MARK3: variants seen among roughly 807,000 people sequenced by gnomAD.
MARK3 encodes the protein MAP/microtubule affinity-regulating kinase 3.
In MARK3, 46 loss-of-function variants were observed where a neutral mutation model predicts 90.1. That is an observed-to-expected ratio of 0.51 (90% CI 0.40 to 0.65). The LOEUF is 0.65. MARK3 is among the 30% of genes least tolerant of loss of function. The pLI is 0.00. For missense variants in MARK3, 818 were observed against 947.2 expected (o/e 0.86, Z 1.79); for synonymous variants, 321 against 332.6 (o/e 0.97, Z 0.38).
intron 13 of MARK3, among the ~76,000 whole-genome samples, chr14:103,479,586 A>T (rs2093780004): frequency 7.3e-6 from 1 of 137,682 alleles, no homozygotes; most frequent in South Asian, 2.5e-4. Context: ...ATGACCAATG[A>T]TATTGGGCAT....
chr14:103,444,300 T>G (rs1408298291), intron 3 of MARK3, among the ~76,000 whole-genome samples: 1 of 152,164 alleles, frequency 6.6e-6, no homozygotes, highest in Non-Finnish European at 1.5e-5. Context: ...CAAAGGTATT[T>G]ATTCTCCTCT....
intron 1 of MARK3, among the ~76,000 whole-genome samples, chr14:103,392,842 A>G (rs1284456014): frequency 6.6e-6 from 1 of 151,174 alleles, no homozygotes; most frequent in Non-Finnish European, 1.5e-5. Context: ...GCGGAGTCTC[A>G]CACTGTTACC....
At chr14:103,495,774 T>G (rs1339352957) in intron 15 of MARK3, among the ~76,000 whole-genome samples, 1 of 147,828 alleles carries the variant, frequency 6.8e-6, no homozygotes, top group Admixed American at 6.9e-5. Flanking sequence ...TCTCCCTTAG[T>G]GCTATACTTA....
intron 1 of MARK3, among the ~76,000 whole-genome samples, chr14:103,390,611 AGT>A (rs1251876808): frequency 1.3e-5 from 2 of 152,236 alleles, no homozygotes; most frequent in African/African-American, 4.8e-5. Context: ...AAAATCTCAC[AGT>A]GTTTTAACAA....
intron 6 of MARK3, among the ~76,000 whole-genome samples, chr14:103,460,518 A>T (rs780992387): frequency 3.9e-5 from 6 of 152,176 alleles, no homozygotes; most frequent in Non-Finnish European, 8.8e-5. Flanking sequence ...AGAAATCACC[A>T]TTTCTACCTG....
chr14:103,397,020 AGTTAAATAAAATGGTATTT>A (rs1486789801), intron 1 of MARK3, among the ~76,000 whole-genome samples: 1 of 152,226 alleles, frequency 6.6e-6, no homozygotes, highest in Non-Finnish European at 1.5e-5. Context: ...GGGTATATTG[AGTTAAATAAAATGGTATTT>A]AATTTAACGT....
intron 17 of MARK3, among the ~76,000 whole-genome samples, chr14:103,502,505 G>A (rs1194368267): frequency 6.6e-6 from 1 of 152,212 alleles, no homozygotes; most frequent in African/African-American, 2.4e-5. Flanking sequence ...TGGATGGGTG[G>A]GGTGGGCAGG....
intron 1 of MARK3, among the ~76,000 whole-genome samples, chr14:103,400,640 TAATA>T (rs1164674810): frequency 4.3e-4 from 65 of 152,114 alleles, no homozygotes; most frequent in Admixed American, 1.1e-3. Context: ...CTTACACCTG[TAATA>T]TCAGCACTTT....
chr14:103,466,333 C>T lies in MARK3; in HGVS notation c.898-10C>T. ...TTTTACTCTGCTAATGAACAGTTTACCTTTTTTAGCAAATCATGAAGGACA... is the reference window on the plus strand; with the variant it reads ...TTTTACTCTGCTAATGAACAGTTTATCTTTTTTAGCAAATCATGAAGGACA... On this transcript the variant is annotated splice_polypyrimidine_tract_variant and intron_variant, in intron 9 of 17. Transcript: ENST00000429436. The T allele has an allele frequency of 6.3e-7, 1 of 1,585,530 alleles. No homozygotes were observed. Among genetic ancestry groups the T allele is most frequent in the Non-Finnish European group, 8.6e-7 (1 of 1,157,082 alleles).
At chr14:103,415,008 C>T (rs142195081) in intron 2 of MARK3, among the ~76,000 whole-genome samples, 219 of 151,616 alleles carry the variant, frequency 1.4e-3, no homozygotes, top group African/African-American at 4.9e-3. Flanking sequence ...AAAAAATAGC[C>T]GGGGATGGTG....
chr14:103,456,151 A>G (rs1205186268), intron 5 of MARK3, among the ~76,000 whole-genome samples: 2 of 152,066 alleles, frequency 1.3e-5, no homozygotes, highest in Non-Finnish European at 1.5e-5. Context: ...TTTCACCTCC[A>G]TTGTATCCTG....
intron 14 of MARK3, chr14:103,489,683 G>A (rs1402885920): frequency 6.6e-6 from 1 of 152,134 alleles, no homozygotes; most frequent in African/African-American, 2.4e-5. Flanking sequence ...CCAGTTTCCA[G>A]GTTTTAATCC....
intron 1 of MARK3, among the ~76,000 whole-genome samples, chr14:103,404,086 A>G (rs1370636422): frequency 6.6e-6 from 1 of 152,242 alleles, no homozygotes; most frequent in Non-Finnish European, 1.5e-5. Flanking sequence ...TGAGAAATTC[A>G]GAGGTAGATG....
At position 103,503,132 on chromosome 14, in the gene MARK3, C is replaced by T; in HGVS notation, c.2167C>T (p.Leu723=). The stretch of plus-strand genomic sequence containing the variant: ...AATGGAAGTGTGCAAGCTGCCAAGA[C>T]TGTCTCTGAACGGGGTCCGGTTTAA... ...WEMEVCKLPR[L]SLNGVRFKRI... is the part of the protein sequence containing the mutation. Residue 723 remains leucine, a synonymous_variant, in exon 18 of 18, where the codon CTG becomes TTG. Coordinates refer to ENST00000429436, the MANE Select transcript of MARK3 (RefSeq NM_001128918.3). 2 of 1,614,238 alleles carry T rather than the reference C, an allele frequency of 1.2e-6. No homozygotes were observed. Among genetic ancestry groups the T allele is most frequent in the African/African-American group, 1.3e-5 (1 of 75,052 alleles).
intron 13 of MARK3, among the ~76,000 whole-genome samples, chr14:103,478,894 ATAC>A (rs1274991933): frequency 1.3e-5 from 2 of 152,208 alleles, no homozygotes; most frequent in Non-Finnish European, 2.9e-5. Flanking sequence ...TTCTGTATAT[ATAC>A]TACAATTTAA....
rs190590072 is a variant in MARK3 at position 103,400,848 on chromosome 14, T to C, written c.52-4228T>C. Among the ~76,000 whole-genome samples, 111 of 143,594 alleles carry C rather than the reference T, an allele frequency of 7.7e-4. 1 individual carries two copies. The highest frequency in any genetic ancestry group is 4.7e-3 in the Admixed American group (64 of 13,586). 94.2% of individuals were successfully genotyped at this position (143,594 alleles called of 152,430 possible). A position where few individuals can be genotyped will look rare whatever the true frequency, so the allele number is the denominator to read the frequency against. On this transcript the variant is annotated intron_variant, in intron 1 of 17. Coordinates refer to ENST00000429436, the MANE Select transcript of MARK3 (RefSeq NM_001128918.3). ...AGTTCGAGGCTGCAGTGAGGTATGA[T>C]CGATCACACTACTGTACTCCAGCCT...
intron 2 of MARK3, among the ~76,000 whole-genome samples, chr14:103,408,466 G>A (rs190487682): frequency 1.4e-3 from 214 of 152,356 alleles, no homozygotes; most frequent in Non-Finnish European, 2.4e-3. Context: ...TGGGATTACA[G>A]GCGTGAGCCA....
chr14:103,390,355 T>G (rs2090155763), intron 1 of MARK3, among the ~76,000 whole-genome samples: 1 of 152,202 alleles, frequency 6.6e-6, no homozygotes, highest in Non-Finnish European at 1.5e-5. Context: ...CTGCTAGTAA[T>G]GACAGAAGAC....
At chr14:103,434,699 A>C (rs1343679403) in intron 3 of MARK3, among the ~76,000 whole-genome samples, 1 of 152,186 alleles carries the variant, frequency 6.6e-6, no homozygotes, top group East Asian at 1.9e-4. Flanking sequence ...TCTGAAATTG[A>C]GCAGCTCATT....
Sources: gnomAD v4.1 joint callset for allele counts (sites outside exome capture counted in the v4.1 genomes callset) on GRCh38, gnomAD v4.1.1 for gene constraint, MANE v1.5 for transcripts, NCBI Gene and HGNC (gene_info 2026-07-23, HGNC 2026-07-21) for gene names.